FAAH2: variants seen among roughly 807,000 people sequenced by gnomAD.
The protein encoded by FAAH2 is fatty-acid amide hydrolase 2.
Under a neutral mutation model 36.9 loss-of-function variants are expected in FAAH2, and 60 were observed. The observed-to-expected ratio is 1.63, with a 90% CI of 1.32 to 2.02. FAAH2 has a LOEUF of 2.02. FAAH2 is among the 30% of genes most tolerant of loss of function. FAAH2 has a pLI of 0.00. For missense variants in FAAH2, 689 were observed against 397.5 expected (o/e 1.73, Z -6.23); for synonymous variants, 214 against 143.8 (o/e 1.49, Z -3.49).
the FAAH2 span, among the ~76,000 whole-genome samples, chrX:57,145,073 G>A: frequency 9.1e-6 from 1 of 110,375 alleles, no homozygotes; most frequent in East Asian, 2.8e-4. Context: ...TTTTTCTGTG[G>A]GTAGTGGGAT....
chrX:57,484,509 A>T (rs2057439360), intron 10 of FAAH2, among the ~76,000 whole-genome samples: 1 of 111,752 alleles, frequency 8.9e-6, no homozygotes, highest in Non-Finnish European at 1.9e-5. Context: ...CTTCAGATGC[A>T]CGTTGTTGTC....
chrX:57,479,403 G>T (rs1569373316), intron 10 of FAAH2, among the ~76,000 whole-genome samples: 1 of 111,349 alleles, frequency 9.0e-6, no homozygotes, highest in African/African-American at 3.3e-5. Context: ...AGACAATGGG[G>T]TTTTCTAGAT....
At chrX:57,461,168 T>G (rs4469606) in intron 10 of FAAH2, among the ~76,000 whole-genome samples, 1 of 107,666 alleles carries the variant, frequency 9.3e-6, no homozygotes, top group Middle Eastern at 4.9e-3. Flanking sequence ...GTTCTCAGAG[T>G]TCTACAAAAA....
At chrX:57,393,803 T>C (rs1402874220) in intron 7 of FAAH2, 2 of 860,136 alleles carry the variant, frequency 2.3e-6, no homozygotes, top group African/African-American at 4.0e-5. Context: ...CGTTGGAGCC[T>C]GTCCAATCGT....
the FAAH2 span, among the ~76,000 whole-genome samples, chrX:57,236,258 G>A: frequency 8.9e-6 from 1 of 112,207 alleles, no homozygotes; most frequent in Admixed American, 9.5e-5. Flanking sequence ...AGGACACTTA[G>A]GTTGATTCCT....
At chrX:57,146,862 C>A in the FAAH2 span, among the ~76,000 whole-genome samples, 1 of 111,676 alleles carries the variant, frequency 9.0e-6, no homozygotes, top group Non-Finnish European at 1.9e-5. Context: ...TGGGGTGTAT[C>A]ACATTTATTG....
chrX:57,167,446 C>T, the FAAH2 span, among the ~76,000 whole-genome samples: 4 of 111,936 alleles, frequency 3.6e-5, no homozygotes, highest in African/African-American at 1.3e-4. Flanking sequence ...ATTTGCTAAG[C>T]TCTAATGATA....
intron 5 of FAAH2, among the ~76,000 whole-genome samples, chrX:57,347,382 T>C (rs2147079632): frequency 9.0e-6 from 1 of 111,492 alleles, no homozygotes; most frequent in South Asian, 3.7e-4. Flanking sequence ...TATTATGAAC[T>C]TTTTGTAGTG....
the FAAH2 span, among the ~76,000 whole-genome samples, chrX:57,147,253 C>G: frequency 9.0e-6 from 1 of 111,427 alleles, no homozygotes; most frequent in Non-Finnish European, 1.9e-5. Flanking sequence ...TGTTATTGGT[C>G]TGTTCAGGGT....
At chrX:57,273,018 A>G in the FAAH2 span, among the ~76,000 whole-genome samples, 1 of 112,003 alleles carries the variant, frequency 8.9e-6, no homozygotes, top group Admixed American at 9.5e-5. Context: ...CAGAAGATCT[A>G]CCTCATGTGC....
chrX:57,423,289 G>T (rs1232346317), intron 7 of FAAH2, among the ~76,000 whole-genome samples: 1 of 111,855 alleles, frequency 8.9e-6, no homozygotes, highest in African/African-American at 3.3e-5. Flanking sequence ...TCTCATGTGG[G>T]GAAGGAGACT....
intron 7 of FAAH2, among the ~76,000 whole-genome samples, chrX:57,420,962 G>T (rs1037499944): frequency 2.7e-5 from 3 of 112,230 alleles, no homozygotes; most frequent in Admixed American, 9.4e-5. Context: ...GGCCTTTTCT[G>T]CATCTATTGA....
At position 57,291,265 on chromosome X, in the gene FAAH2, C is replaced by T. The variant is rs1359773658; in HGVS notation, c.193-1233C>T. ...CTTCTCTTTGTATTTGTAGTATATGCTTCATGTATTTGCCAGCTTTATTAA... is the reference window on the plus strand; with the variant it reads ...CTTCTCTTTGTATTTGTAGTATATGTTTCATGTATTTGCCAGCTTTATTAA... On this transcript the variant is annotated intron_variant, in intron 1 of 10. Coordinates refer to ENST00000374900, the MANE Select transcript of FAAH2 (RefSeq NM_174912.4). Among the ~76,000 whole-genome samples the T allele has an allele frequency of 3.6e-5, 4 of 111,725 alleles. No individual in the cohort carries two copies. The South Asian group carries it at 1.1e-3, about 31-fold the overall frequency.
At chrX:57,178,645 G>T in the FAAH2 span, among the ~76,000 whole-genome samples, 10 of 111,849 alleles carry the variant, frequency 8.9e-5, no homozygotes, top group Non-Finnish European at 1.5e-4. Flanking sequence ...GGGAATCAGA[G>T]GGCAGTTCCC....
the FAAH2 span, among the ~76,000 whole-genome samples, chrX:57,158,871 GGCTTTTGTTGCCATT>G: frequency 8.9e-6 from 1 of 111,830 alleles, no homozygotes; most frequent in African/African-American, 3.3e-5. Context: ...TGTCAATTTT[GGCTTTTGTTGCCATT>G]GCTTTTGGCG....
At chrX:57,366,620 G>A (rs768406414) in intron 5 of FAAH2, among the ~76,000 whole-genome samples, 1 of 112,224 alleles carries the variant, frequency 8.9e-6, no homozygotes, top group East Asian at 2.8e-4. Flanking sequence ...GGAGACTGTG[G>A]GCAAGCATAC....
At chrX:57,339,338 C>T (rs182438099) in intron 4 of FAAH2, among the ~76,000 whole-genome samples, 1 of 112,119 alleles carries the variant, frequency 8.9e-6, no homozygotes, top group Admixed American at 9.4e-5. Context: ...CAGTACCATT[C>T]AGGACGTAGG....
the FAAH2 span, chrX:57,136,152 C>T: frequency 8.3e-7 from 1 of 1,210,271 alleles, no homozygotes; most frequent in East Asian, 3.0e-5. Flanking sequence ...TAAGACCATC[C>T]CCCTCCATTC....
chrX:57,128,826 C>G, the FAAH2 span, among the ~76,000 whole-genome samples: 16 of 111,705 alleles, frequency 1.4e-4, no homozygotes, highest in African/African-American at 4.9e-4. Context: ...TTCCTGCATT[C>G]AAAGTTTATA....
Sources: allele counts gnomAD v4.1 joint callset (sites outside exome capture counted in the v4.1 genomes callset), GRCh38; gene constraint gnomAD v4.1.1; transcripts MANE v1.5; gene names NCBI Gene and HGNC (gene_info 2026-07-23, HGNC 2026-07-21).